MED15: variants seen among roughly 807,000 people sequenced by gnomAD.
The protein encoded by MED15 is mediator of RNA polymerase II transcription subunit 15.
Under a neutral mutation model 118.7 loss-of-function variants are expected in MED15, and 41 were observed. That is an observed-to-expected ratio of 0.35 (90% CI 0.27 to 0.45). The LOEUF (loss-of-function observed/expected upper bound fraction) is 0.45, where lower values mean the gene tolerates loss of function less well. MED15 is among the 20% of genes least tolerant of loss of function. MED15 has a pLI of 1.00. For synonymous variants in MED15, 436 were observed against 413.9 expected (o/e 1.05, Z -0.65); for missense variants, 740 against 1,025.5 (o/e 0.72, Z 3.80).
At chr22:20,522,338 T>G (rs939906736) in intron 1 of MED15, 1 of 152,160 alleles carries the variant, frequency 6.6e-6, no homozygotes, top group African/African-American at 2.4e-5. Flanking sequence ...CTGGACATCC[T>G]TGCCAACACC....
At chr22:20,566,340 A>G in intron 6 of MED15, 127 bp from the exon 7 acceptor site, 3 of 1,514,406 alleles carry the variant, frequency 2.0e-6, no homozygotes, top group Non-Finnish European at 2.7e-6. Flanking sequence ...GCACCCAGCC[A>G]GGAAGGCTTT....
chr22:20,553,254 T>C, intron 4 of MED15, 80 bp downstream of exon 4: 1 of 1,413,234 alleles, frequency 7.1e-7, no homozygotes, highest in Non-Finnish European at 1.0e-6. Flanking sequence ...GCATGCCTCA[T>C]GTGCCTGGGT....
At chr22:20,575,342 C>T in intron 9 of MED15, 110 bp downstream of exon 9, 2 of 1,354,212 alleles carry the variant, frequency 1.5e-6, no homozygotes, top group South Asian at 1.5e-5. Context: ...TTTATGGTGG[C>T]TTTCAGAGTG....
intron 7 of MED15, among the ~76,000 whole-genome samples, chr22:20,567,801 C>A (rs967210770): frequency 1.3e-5 from 2 of 152,224 alleles, no homozygotes; most frequent in Non-Finnish European, 2.9e-5. Flanking sequence ...TCTCGTCCTT[C>A]TGGAGGCCCC....
At chr22:20,544,324 T>G (rs1304227969) in intron 2 of MED15, among the ~76,000 whole-genome samples, 2 of 152,210 alleles carry the variant, frequency 1.3e-5, no homozygotes, top group African/African-American at 2.4e-5. Flanking sequence ...ATTCGTATGT[T>G]TCCTGTGGCT....
At chr22:20,548,891 T>G (rs2146504557) in intron 2 of MED15, among the ~76,000 whole-genome samples, 1 of 152,260 alleles carries the variant, frequency 6.6e-6, no homozygotes, top group Non-Finnish European at 1.5e-5. Flanking sequence ...ATTGCAGCAT[T>G]GATCTCCCAG....
intron 1 of MED15, 157 bp downstream of exon 1, chr22:20,507,903 C>T (rs910057182): frequency 6.1e-6 from 9 of 1,464,822 alleles, no homozygotes; most frequent in African/African-American, 2.9e-5. Flanking sequence ...CCCCGTCTGT[C>T]CCCTCCGTTC....
chr22:20,509,297 G>A (rs561874902), intron 1 of MED15, among the ~76,000 whole-genome samples: 1 of 152,296 alleles, frequency 6.6e-6, no homozygotes, highest in East Asian at 1.9e-4. Flanking sequence ...AATATGCCTA[G>A]AGTCCCTGTC....
At chr22:20,527,098 T>A (rs1110462) in intron 1 of MED15, among the ~76,000 whole-genome samples, 3 of 152,128 alleles carry the variant, frequency 2.0e-5, no homozygotes, top group Non-Finnish European at 2.9e-5. Context: ...CTCAGCCTCA[T>A]ATGACTTGTC....
intron 8 of MED15, chr22:20,574,686 C>G (rs1403250761): frequency 6.1e-6 from 1 of 163,666 alleles, no homozygotes; most frequent in African/African-American, 2.4e-5. Flanking sequence ...GTTGAGTGTT[C>G]TCATCACAGG....
intron 1 of MED15, chr22:20,507,964 C>T: frequency 7.0e-7 from 1 of 1,437,160 alleles, no homozygotes; most frequent in East Asian, 2.5e-5. Context: ...TGCAAACCAA[C>T]GAGCCCTGGC....
chr22:20,556,879 T>C (rs2056033749), intron 5 of MED15, among the ~76,000 whole-genome samples: 1 of 152,208 alleles, frequency 6.6e-6, no homozygotes, highest in African/African-American at 2.4e-5. Context: ...CTTTTTGAGA[T>C]TGGCTTTTTA....
chr22:20,568,902 C>A (rs1291566101), intron 8 of MED15, among the ~76,000 whole-genome samples: 1 of 152,176 alleles, frequency 6.6e-6, no homozygotes, highest in African/African-American at 2.4e-5. Flanking sequence ...TTCCTTGCCA[C>A]TCTGAGTGAC....
chr22:20,507,870 C>T lies in MED15; in HGVS notation c.68+124C>T, dbSNP rs1335945831. 5 of 1,513,474 alleles carry T rather than the reference C, an allele frequency of 3.3e-6. No individual in the cohort carries two copies. In the East Asian group the frequency reaches 7.4e-5, roughly 22 times the overall value. The allele number at this position is 1,513,474 out of a possible 1,614,324, so 93.8% of individuals were successfully genotyped here. On this transcript the variant is annotated intron_variant, in intron 1 of 17. Coordinates refer to ENST00000263205, the MANE Select transcript of MED15 (RefSeq NM_001003891.3). Reference sequence around the variant, plus strand: ...GGAGACAGAAGGCGCCGGGGACTTGCGTGGGTCCCAGGGCTCGGGCCCCCC... The same window carrying T: ...GGAGACAGAAGGCGCCGGGGACTTGTGTGGGTCCCAGGGCTCGGGCCCCCC...
chr22:20,508,439 C>T lies in MED15; in HGVS notation c.68+693C>T, dbSNP rs781235652. The T allele has an allele frequency of 6.9e-6, 9 of 1,297,048 alleles. No homozygotes were observed. In the South Asian group the frequency reaches 1.1e-4, roughly 16 times the overall value. The allele number at this position is 1,297,048 out of a possible 1,614,324, so 80.3% of individuals were successfully genotyped here. ...CCGTGTGAAGAGACCACCAAACAGG[C>T]TTTGTGTGAGCAATAAAGCTGTTTA... On this transcript the variant is annotated intron_variant, in intron 1 of 17. Transcript: ENST00000263205.
chr22:20,563,545 G>A (rs1295545791), intron 5 of MED15, among the ~76,000 whole-genome samples: 3 of 152,238 alleles, frequency 2.0e-5, no homozygotes, highest in Non-Finnish European at 4.4e-5. Context: ...GTGGCAACAC[G>A]AGGGATCCTT....
At chr22:20,560,984 G>A (rs1282015217) in intron 5 of MED15, among the ~76,000 whole-genome samples, 1 of 152,042 alleles carries the variant, frequency 6.6e-6, no homozygotes, top group Non-Finnish European at 1.5e-5. Flanking sequence ...CGGTTCTGTC[G>A]GGTACATATA....
intron 6 of MED15, among the ~76,000 whole-genome samples, chr22:20,565,118 G>A (rs746655916): frequency 6.6e-6 from 1 of 152,108 alleles, no homozygotes; most frequent in Non-Finnish European, 1.5e-5. Flanking sequence ...GTGAGACTCC[G>A]TCTCAAAAAA....
chr22:20,557,106 T>G (rs978578254), intron 5 of MED15, among the ~76,000 whole-genome samples: 1 of 152,200 alleles, frequency 6.6e-6, no homozygotes, highest in Non-Finnish European at 1.5e-5. Context: ...TATATTTTTG[T>G]CACACATCCC....
Sources: gnomAD v4.1 joint callset for allele counts (sites outside exome capture counted in the v4.1 genomes callset) on GRCh38, gnomAD v4.1.1 for gene constraint, MANE v1.5 for transcripts, NCBI Gene and HGNC (gene_info 2026-07-23, HGNC 2026-07-21) for gene names.